Variants in CPQ observed in about 807,000 individuals in gnomAD.
CPQ encodes Ser-Met dipeptidase.
A neutral mutation model predicts 45.7 loss-of-function variants in CPQ; 37 were observed. The ratio of observed to expected loss-of-function variants is 0.81; its 90% CI spans 0.62 to 1.07. The LOEUF (loss-of-function observed/expected upper bound fraction) is 1.07, where lower values mean the gene tolerates loss of function less well. Among genes scored for constraint, CPQ ranks in the 50% least tolerant of loss-of-function variants. The pLI, the probability that CPQ is intolerant of heterozygous loss-of-function variation, is 0.00. For synonymous variants in CPQ, 186 were observed against 205.8 expected, an observed-to-expected ratio of 0.90 and a Z score of 0.82; for missense variants, 537 against 572.9, an observed-to-expected ratio of 0.94 and a Z score of 0.64.
intron 1 of CPQ, among the ~76,000 whole-genome samples, chr8:96,666,380 T>C (rs1423656018): frequency 6.6e-6 from 1 of 152,132 alleles, no homozygotes; most frequent in Admixed American, 6.6e-5. Context: ...TGCCAGAACA[T>C]TAAGAATACA....
intron 1 of CPQ, among the ~76,000 whole-genome samples, chr8:96,664,895 A>G (rs1022945402): frequency 3.3e-5 from 5 of 152,228 alleles, no homozygotes; most frequent in Non-Finnish European, 7.3e-5. Context: ...TGAAGGAAAC[A>G]TAATTCACTT....
intron 1 of CPQ, among the ~76,000 whole-genome samples, chr8:96,662,679 G>A (rs1441267369): frequency 8.5e-5 from 13 of 152,072 alleles, no homozygotes; most frequent in Non-Finnish European, 1.3e-4. Context: ...CCTTTTTGTT[G>A]GTTTTTCAAA....
chr8:96,868,863 A>G (rs1253539042), intron 3 of CPQ, among the ~76,000 whole-genome samples: 2 of 151,950 alleles, frequency 1.3e-5, no homozygotes. Context: ...GAAATTGAAC[A>G]CCGTAATTTA....
At chr8:96,992,397 T>C (rs896493821) in intron 5 of CPQ, among the ~76,000 whole-genome samples, 4 of 152,138 alleles carry the variant, frequency 2.6e-5, no homozygotes, top group Admixed American at 6.6e-5. Flanking sequence ...GTTGACAATC[T>C]AGCTACATGG....
intron 5 of CPQ, among the ~76,000 whole-genome samples, chr8:97,009,218 G>A (rs765289295): frequency 7.2e-5 from 11 of 152,226 alleles, no homozygotes; most frequent in Non-Finnish European, 1.5e-4. Flanking sequence ...AACCAGCTCT[G>A]TGCTGGCCTC....
chr8:96,996,329 CT>C (rs1413880357), intron 5 of CPQ, among the ~76,000 whole-genome samples: 1 of 151,876 alleles, frequency 6.6e-6, no homozygotes, highest in Non-Finnish European at 1.5e-5. Flanking sequence ...TGGCTAGAGG[CT>C]TTTTAAAAGC....
At chr8:97,051,178 A>T (rs1320228690) in intron 6 of CPQ, among the ~76,000 whole-genome samples, 1 of 152,160 alleles carries the variant, frequency 6.6e-6, no homozygotes, top group Non-Finnish European at 1.5e-5. Flanking sequence ...TGCCCAACAG[A>T]GGTTCTTGAC....
intron 7 of CPQ, among the ~76,000 whole-genome samples, chr8:97,121,666 A>G (rs1200530473): frequency 2.0e-5 from 3 of 152,148 alleles, no homozygotes; most frequent in Non-Finnish European, 4.4e-5. Context: ...ATGACCCACA[A>G]CTAGAACACC....
intron 2 of CPQ, among the ~76,000 whole-genome samples, chr8:96,814,742 C>A (rs115492156): frequency 0.022 from 3,390 of 152,174 alleles, 138 homozygotes; most frequent in African/African-American, 0.077. Flanking sequence ...TGAAGCACTG[C>A]ATGCAATACA....
chr8:97,044,019 G>A (rs1810185825), intron 6 of CPQ, among the ~76,000 whole-genome samples: 1 of 152,130 alleles, frequency 6.6e-6, no homozygotes, highest in African/African-American at 2.4e-5. Flanking sequence ...TCCTGAATCT[G>A]AATGTTGGCC....
intron 1 of CPQ, among the ~76,000 whole-genome samples, chr8:96,654,535 T>C (rs1815616155): frequency 6.6e-6 from 1 of 151,486 alleles, no homozygotes; most frequent in African/African-American, 2.4e-5. Context: ...AAGGTCCTTA[T>C]GATCCCCTAA....
At chr8:96,671,876 GA>G (rs1486110530) in intron 1 of CPQ, among the ~76,000 whole-genome samples, 1 of 152,074 alleles carries the variant, frequency 6.6e-6, no homozygotes, top group East Asian at 1.9e-4. Flanking sequence ...TGAGAAAATT[GA>G]AAACTTGGGG....
chr8:96,681,588 G>GA (rs1323398956), intron 1 of CPQ, among the ~76,000 whole-genome samples: 1 of 152,150 alleles, frequency 6.6e-6, no homozygotes, highest in Non-Finnish European at 1.5e-5. Flanking sequence ...TGGCAGTGTG[G>GA]AAAAAAATGT....
At chr8:96,739,701 C>A (rs1810053062) in intron 1 of CPQ, among the ~76,000 whole-genome samples, 2 of 150,488 alleles carry the variant, frequency 1.3e-5, no homozygotes, top group Admixed American at 6.6e-5. Context: ...TTTCCCAGCA[C>A]CATGTATTAA....
chr8:97,142,345 A>G (rs1812182072), intron 7 of CPQ, among the ~76,000 whole-genome samples: 1 of 152,188 alleles, frequency 6.6e-6, no homozygotes, highest in African/African-American at 2.4e-5. Flanking sequence ...GAAACTAGCA[A>G]AAAGCTTCAC....
At chr8:96,948,641 T>C (rs1020206744) in intron 4 of CPQ, among the ~76,000 whole-genome samples, 3 of 152,116 alleles carry the variant, frequency 2.0e-5, no homozygotes, top group African/African-American at 7.2e-5. Flanking sequence ...ATGCTCCGTA[T>C]GTATCTGTTA....
chr8:96,885,315 C>G (rs1233341360), intron 4 of CPQ, among the ~76,000 whole-genome samples: 4 of 152,174 alleles, frequency 2.6e-5, no homozygotes, highest in African/African-American at 9.7e-5. Context: ...TTCCTGATGG[C>G]AGAACCCTCA....
chr8:97,137,135 A>G (rs979672880), intron 7 of CPQ, among the ~76,000 whole-genome samples: 67 of 152,368 alleles, frequency 4.4e-4, no homozygotes, highest in African/African-American at 1.6e-3. Flanking sequence ...GGGAACTTAG[A>G]TGATATCTGA....
At chr8:96,775,569 C>T (rs189050790) in intron 1 of CPQ, among the ~76,000 whole-genome samples, 1 of 152,138 alleles carries the variant, frequency 6.6e-6, no homozygotes, top group Non-Finnish European at 1.5e-5. Flanking sequence ...CTGCACAAAA[C>T]ACAGCATAGT....
Sources: gnomAD v4.1 joint callset for allele counts (sites outside exome capture counted in the v4.1 genomes callset) on GRCh38, gnomAD v4.1.1 for gene constraint, MANE v1.5 for transcripts, NCBI Gene and HGNC (gene_info 2026-07-23, HGNC 2026-07-21) for gene names.